POPDC1: variants seen among roughly 807,000 people sequenced by gnomAD.
POPDC1 encodes popeye domain-containing protein 1.
At chr6:105,129,489 T>C in the POPDC1 span, 1 of 1,611,156 alleles carries the variant, frequency 6.2e-7, no homozygotes. Flanking sequence ...GCCCAGACGA[T>C]ATAAAGGGTA....
chr6:105,114,382 G>GT, the POPDC1 span, among the ~76,000 whole-genome samples: 2 of 152,114 alleles, frequency 1.3e-5, no homozygotes, highest in Non-Finnish European at 2.9e-5. Flanking sequence ...AAGAAGTAAA[G>GT]TTTTTTCTTT....
At chr6:105,131,966 CTTTT>C in the POPDC1 span, among the ~76,000 whole-genome samples, 80 of 136,130 alleles carry the variant, frequency 5.9e-4, no homozygotes, top group African/African-American at 2.0e-3. Context: ...TCATTTATCA[CTTTT>C]TTTTTTTTTT....
the POPDC1 span, among the ~76,000 whole-genome samples, chr6:105,134,260 A>G: frequency 6.6e-6 from 1 of 152,124 alleles, no homozygotes; most frequent in South Asian, 2.1e-4. Context: ...TTTATTTCCC[A>G]TAATAATTCT....
At chr6:105,100,878 G>T in the POPDC1 span, 1 of 395,230 alleles carries the variant, frequency 2.5e-6, no homozygotes, top group Non-Finnish European at 4.4e-6. Context: ...TAGTCAGAAG[G>T]CTCAGTAAAA....
chr6:105,121,900 A>C, the POPDC1 span, among the ~76,000 whole-genome samples: 1 of 152,192 alleles, frequency 6.6e-6, no homozygotes. Context: ...TCCTCATCGA[A>C]CATGTTTAAC....
the POPDC1 span, chr6:105,097,543 A>G: frequency 1.3e-5 from 2 of 152,218 alleles, no homozygotes; most frequent in Non-Finnish European, 2.9e-5. Flanking sequence ...GTGCCAAGTC[A>G]TTACCTGGAA....
chr6:105,133,555 G>A, the POPDC1 span: 1 of 1,612,380 alleles, frequency 6.2e-7, no homozygotes, highest in Non-Finnish European at 8.5e-7. Flanking sequence ...TTCTCTCAAT[G>A]GGCTGGACTC....
the POPDC1 span, among the ~76,000 whole-genome samples, chr6:105,104,750 A>G: frequency 1.3e-5 from 2 of 152,218 alleles, no homozygotes; most frequent in Non-Finnish European, 2.9e-5. Flanking sequence ...AGGAATATCA[A>G]TAGGCTTAAT....
the POPDC1 span, among the ~76,000 whole-genome samples, chr6:105,114,398 A>G: frequency 6.6e-6 from 1 of 152,228 alleles, no homozygotes; most frequent in African/African-American, 2.4e-5. Flanking sequence ...TCTTTCCTAC[A>G]CACCAATTAT....
chr6:105,128,049 T>C, the POPDC1 span, among the ~76,000 whole-genome samples: 3 of 152,250 alleles, frequency 2.0e-5, no homozygotes. Context: ...CGTGAGCCAC[T>C]GCACCTTGCC....
the POPDC1 span, among the ~76,000 whole-genome samples, chr6:105,126,175 G>A: frequency 6.6e-6 from 1 of 150,994 alleles, no homozygotes; most frequent in Admixed American, 6.6e-5. Context: ...GCAGTGAGCT[G>A]AGATTGCTCC....
At chr6:105,100,542 GTATATATATGTATATATATA>G in the POPDC1 span, 23 of 134,374 alleles carry the variant, frequency 1.7e-4, no homozygotes, top group African/African-American at 6.1e-4. Flanking sequence ...ATGTGTGTAT[GTATATATATGTATATATATA>G]TATATATGTA....
chr6:105,120,462 A>G, the POPDC1 span, among the ~76,000 whole-genome samples: 3 of 152,376 alleles, frequency 2.0e-5, no homozygotes, highest in East Asian at 1.9e-4. Flanking sequence ...ATAAAGCAAT[A>G]TAAGAATTTT....
the POPDC1 span, among the ~76,000 whole-genome samples, chr6:105,105,273 T>C: frequency 1.2e-4 from 18 of 152,322 alleles, no homozygotes; most frequent in Non-Finnish European, 2.5e-4. Flanking sequence ...CAGCCCAACC[T>C]GTCACTTCCA....
chr6:105,113,989 A>C, the POPDC1 span, among the ~76,000 whole-genome samples: 1 of 152,112 alleles, frequency 6.6e-6, no homozygotes, highest in African/African-American at 2.4e-5. Context: ...AACAAACAAA[A>C]AAAAACAGGA....
the POPDC1 span, chr6:105,133,355 G>C: frequency 4.4e-6 from 7 of 1,608,630 alleles, no homozygotes; most frequent in South Asian, 2.2e-5. Flanking sequence ...ATCTTACCTA[G>C]AGTTAACATT....
chr6:105,123,279 C>T, the POPDC1 span, among the ~76,000 whole-genome samples: 1 of 152,204 alleles, frequency 6.6e-6, no homozygotes, highest in Non-Finnish European at 1.5e-5. Flanking sequence ...AGGAAACTCT[C>T]ACCCATTTAT....
chr6:105,113,167 A>T, the POPDC1 span, among the ~76,000 whole-genome samples: 1 of 152,046 alleles, frequency 6.6e-6, no homozygotes, highest in Non-Finnish European at 1.5e-5. Context: ...CCTGGGCTCA[A>T]GCGATCCTCC....
chr6:105,109,074 C>T, the POPDC1 span, among the ~76,000 whole-genome samples: 1 of 152,286 alleles, frequency 6.6e-6, no homozygotes, highest in African/African-American at 2.4e-5. Context: ...TGTCCTCAGC[C>T]TCTTGAGTAA....
Sources: allele counts gnomAD v4.1 joint callset (sites outside exome capture counted in the v4.1 genomes callset), GRCh38; gene constraint gnomAD v4.1.1; transcripts MANE v1.5; gene names NCBI Gene and HGNC (gene_info 2026-07-23, HGNC 2026-07-21).